The following PIK3C2G variants were observed in gnomAD, a reference collection of about 807,000 sequenced individuals.
PIK3C2G encodes phosphatidylinositol-4-phosphate 3-kinase catalytic subunit type 2 gamma, also known as phosphatidylinositol 3-kinase C2 domain-containing subunit gamma.
A neutral mutation model predicts 181.1 loss-of-function variants in PIK3C2G; 168 were observed. The observed-to-expected ratio is 0.93, with a 90% CI of 0.82 to 1.05. The LOEUF is 1.05. Ranked by LOEUF, PIK3C2G falls within the 50% of genes least tolerant of loss-of-function variation. The probability of loss-of-function intolerance (pLI) is 0.00; values close to 1 mark genes in which losing one functional copy is unlikely to be tolerated. For missense variants in PIK3C2G, 1,869 were observed against 1,732.8 expected (o/e 1.08, Z -1.40); for synonymous variants, 573 against 592.2 (o/e 0.97, Z 0.47).
intron 28 of PIK3C2G, 141 bp downstream of exon 28, chr12:18,563,639 T>A (rs1945463670): frequency 1.5e-6 from 1 of 646,884 alleles, no homozygotes. Flanking sequence ...CAGCAGAGAG[T>A]CTGAATTGCT....
the PIK3C2G span, among the ~76,000 whole-genome samples, chr12:18,656,100 G>A: frequency 6.6e-6 from 1 of 152,160 alleles, no homozygotes; most frequent in South Asian, 2.1e-4. Flanking sequence ...CAAAAATGGT[G>A]AAGTAGGGAA....
At position 18,488,502 on chromosome 12, in the gene PIK3C2G, TAC is replaced by T; in HGVS notation, c.2559_2560del (p.Leu854SerfsTer9). Reference sequence around the variant, plus strand: ...TATTTTAAAAGCTGGTATCAGAAGCTACTAGCTGCTCTCCAATTCTGTGCAGG... The same window carrying T: ...TATTTTAAAAGCTGGTATCAGAAGCTTAGCTGCTCTCCAATTCTGTGCAGG... On this transcript the variant is annotated frameshift_variant, in exon 19 of 33. Transcript: ENST00000538779. LOFTEE classifies it high-confidence loss of function. 1 of 1,568,048 alleles carries T rather than the reference TAC, an allele frequency of 6.4e-7. No homozygotes were observed. The highest frequency in any genetic ancestry group is 1.2e-5 in the South Asian group (1 of 83,660).
At chr12:18,376,316 T>C (rs552885316) in intron 13 of PIK3C2G, among the ~76,000 whole-genome samples, 1 of 152,344 alleles carries the variant, frequency 6.6e-6, no homozygotes, top group South Asian at 2.1e-4. Flanking sequence ...TAAGATTTAA[T>C]GACTGCCCCG....
chr12:18,278,381 T>A (rs1223046528), intron 1 of PIK3C2G, among the ~76,000 whole-genome samples: 1 of 152,176 alleles, frequency 6.6e-6, no homozygotes, highest in Non-Finnish European at 1.5e-5. Context: ...CAGTCTGATC[T>A]CTTCTGCCTC....
chr12:18,335,103 G>C (rs1465027526), intron 8 of PIK3C2G, among the ~76,000 whole-genome samples: 1 of 152,038 alleles, frequency 6.6e-6, no homozygotes, highest in South Asian at 2.1e-4. Context: ...GTAGAGAGAG[G>C]CTTCATCAAA....
At chr12:18,637,275 A>ACCC (rs1949645169) in intron 31 of PIK3C2G, among the ~76,000 whole-genome samples, 1 of 151,502 alleles carries the variant, frequency 6.6e-6, no homozygotes, top group Non-Finnish European at 1.5e-5. Flanking sequence ...CCTCAAGGGG[A>ACCC]CCCAGTCTCT....
chr12:18,255,086 G>T (rs1358338363), intron 1 of PIK3C2G, among the ~76,000 whole-genome samples: 3 of 151,372 alleles, frequency 2.0e-5, no homozygotes, highest in Non-Finnish European at 4.4e-5. Flanking sequence ...AAATTAGTCG[G>T]GCACATGCCT....
At chr12:18,281,268 CAA>C (rs59791930) in intron 1 of PIK3C2G, among the ~76,000 whole-genome samples, 297 of 73,716 alleles carry the variant, frequency 4.0e-3, no homozygotes, top group African/African-American at 0.01. Context: ...GCATAATAGG[CAA>C]AAAAAAAAAA....
rs771322792 is a variant in PIK3C2G, at chr12:18,343,406, A to T, written c.1429+46A>T. The T allele has an allele frequency of 3.0e-6, 3 of 1,013,386 alleles. No homozygotes were observed. The Admixed American group carries it at 8.2e-5, about 28-fold the overall frequency. The allele number at this position is 1,013,386 out of a possible 1,614,324, so 62.8% of individuals were successfully genotyped here. ...AGTATTTTGAAATAAAGAAAAAAAT[A>T]AGTTACAGAATCCAAAATACTTTTT... On this transcript the variant is annotated intron_variant, in intron 10 of 32. Transcript: ENST00000538779.
intron 30 of PIK3C2G, among the ~76,000 whole-genome samples, chr12:18,607,659 A>T (rs966371413): frequency 2.6e-5 from 4 of 152,200 alleles, no homozygotes; most frequent in African/African-American, 9.7e-5. Context: ...CATGTCTAAA[A>T]CACCAAAAAC....
chr12:18,327,701 A>G (rs1314483450), intron 8 of PIK3C2G, among the ~76,000 whole-genome samples: 1 of 152,062 alleles, frequency 6.6e-6, no homozygotes, highest in East Asian at 1.9e-4. Flanking sequence ...ATAGAAATTG[A>G]ATAATATGAA....
the PIK3C2G span, among the ~76,000 whole-genome samples, chr12:18,662,210 C>T: frequency 2.6e-5 from 4 of 152,006 alleles, no homozygotes; most frequent in African/African-American, 9.7e-5. Context: ...ATAGCATAGG[C>T]ACTATGCTCA....
chr12:18,653,257 C>T (rs77264560), downstream of PIK3C2G, among the ~76,000 whole-genome samples: 12 of 152,208 alleles, frequency 7.9e-5, no homozygotes, highest in East Asian at 2.1e-3. Context: ...CATCATTAGT[C>T]ACATATTACC....
intron 18 of PIK3C2G, among the ~76,000 whole-genome samples, chr12:18,481,180 C>T (rs1208249087): frequency 3.3e-5 from 5 of 152,096 alleles, no homozygotes; most frequent in African/African-American, 9.7e-5. Flanking sequence ...GTGATCAGCC[C>T]ACCTAGGCCT....
At chr12:18,399,138 T>C (rs1243011790) in intron 15 of PIK3C2G, among the ~76,000 whole-genome samples, 1 of 139,248 alleles carries the variant, frequency 7.2e-6, no homozygotes, top group African/African-American at 2.7e-5. Flanking sequence ...GAGCTTGCAG[T>C]GAGCCGAGAT....
chr12:18,465,134 C>T (rs1160458672), intron 18 of PIK3C2G, among the ~76,000 whole-genome samples: 2 of 151,912 alleles, frequency 1.3e-5, no homozygotes, highest in Non-Finnish European at 2.9e-5. Flanking sequence ...AGAATTGTTA[C>T]AGCCCTTTGA....
chr12:18,258,207 A>G (rs1948168062), upstream of PIK3C2G, among the ~76,000 whole-genome samples: 1 of 152,156 alleles, frequency 6.6e-6, no homozygotes. Context: ...GGTGTACAAC[A>G]TGATATTTTG....
intron 25 of PIK3C2G, among the ~76,000 whole-genome samples, chr12:18,541,044 G>T (rs1387936397): frequency 1.3e-5 from 2 of 151,910 alleles, no homozygotes; most frequent in Admixed American, 1.3e-4. Context: ...TTCTACTTAT[G>T]TATGTAATCT....
intron 18 of PIK3C2G, among the ~76,000 whole-genome samples, chr12:18,444,372 C>CG (rs1946912367): frequency 6.6e-6 from 1 of 152,054 alleles, no homozygotes; most frequent in African/African-American, 2.4e-5. Flanking sequence ...TGTTTTTAGT[C>CG]TTACATGTAT....
Sources: gnomAD v4.1 joint callset for allele counts (sites outside exome capture counted in the v4.1 genomes callset) on GRCh38, gnomAD v4.1.1 for gene constraint, MANE v1.5 for transcripts, NCBI Gene and HGNC (gene_info 2026-07-23, HGNC 2026-07-21) for gene names.